RABL6: variants seen among roughly 807,000 people sequenced by gnomAD.
RABL6 encodes RAB, member RAS oncogene family like 6.
RABL6 carries 28 observed loss-of-function variants against 72.9 expected under a neutral mutation model. The observed-to-expected ratio is 0.38, with a 90% CI of 0.28 to 0.53. The LOEUF (loss-of-function observed/expected upper bound fraction) is 0.53, where lower values mean the gene tolerates loss of function less well. RABL6 is among the 20% of genes least tolerant of loss of function. RABL6 has a pLI of 0.80. For synonymous variants in RABL6, 477 were observed against 421.2 expected, an observed-to-expected ratio of 1.13 and a Z score of -1.62; for missense variants, 1,029 against 1,008.4, an observed-to-expected ratio of 1.02 and a Z score of -0.28.
Position 136,825,808 on chromosome 9 carries a change from TG to T in RABL6, c.298del (p.Asp100MetfsTer2). 1 of 1,613,438 alleles carries T rather than the reference TG, an allele frequency of 6.2e-7. No homozygotes were observed. The highest frequency in any genetic ancestry group is 2.2e-5 in the East Asian group (1 of 44,876). ...GGATGACATCGTGAAGGTTGAAGTC[TG>T]GGATGTAGTAGACAAAGGTGAGGCG... The part of the protein sequence containing the change: ...TTDDIVKVEV[W>X]DVVDKGKCKK... On this transcript the variant is annotated frameshift_variant, in exon 3 of 15. Transcript: ENST00000311502. LOFTEE classifies it high-confidence loss of function.
At chr9:136,838,116 C>G in intron 10 of RABL6, 101 bp downstream of exon 10, 1 of 1,393,568 alleles carries the variant, frequency 7.2e-7, no homozygotes, top group East Asian at 2.5e-5. Context: ...AAGGGGCCCC[C>G]CGCCGGCTGG....
intron 10 of RABL6, among the ~76,000 whole-genome samples, chr9:136,838,550 A>G (rs1382862615): frequency 6.6e-6 from 1 of 152,188 alleles, no homozygotes; most frequent in Non-Finnish European, 1.5e-5. Context: ...TGGCCTCAGC[A>G]CCTCAGCCTC....
Position 136,839,826 on chromosome 9 carries a change from GGGC to G in RABL6, c.1892_1894del (p.Gly631_Leu632delinsVal). 6.2e-7 allele frequency: 1 copy of G among 1,612,738 alleles called. No individual in the cohort carries two copies. On this transcript the variant is annotated inframe_deletion, in exon 13 of 15. Coordinates refer to ENST00000311502, the MANE Select transcript of RABL6 (RefSeq NM_024718.5). ...GAATGACTCGGACCTCTTCGGGCTG[GGGC>G]TGGAGGAGGCCGGACCCAAGGAGAG...
intron 1 of RABL6, chr9:136,821,255 C>T: frequency 1.1e-6 from 1 of 900,902 alleles, no homozygotes; most frequent in Non-Finnish European, 1.3e-6. Flanking sequence ...GGGACGTCAG[C>T]GCGTTGGTTC....
intron 1 of RABL6, chr9:136,813,676 C>T (rs527559480): frequency 3.5e-4 from 74 of 208,522 alleles, no homozygotes; most frequent in African/African-American, 1.6e-3. Flanking sequence ...GTGCAGTGGC[C>T]GTGATCTCAG....
chr9:136,835,694 C>CG, intron 7 of RABL6, 48 bp from the exon 8 acceptor site: 1 of 1,499,138 alleles, frequency 6.7e-7, no homozygotes, highest in Non-Finnish European at 9.0e-7. Flanking sequence ...CTGGGGCACT[C>CG]GCAGCAGGAA....
intron 8 of RABL6, chr9:136,836,057 G>C: frequency 1.9e-6 from 1 of 524,720 alleles, no homozygotes; most frequent in Middle Eastern, 5.0e-4. Flanking sequence ...TCCTCATACA[G>C]GTCATGCTGT....
chr9:136,826,633 C>T lies in RABL6; in HGVS notation c.313+807C>T, dbSNP rs1848364901. 1 of 152,292 alleles carries T rather than the reference C, an allele frequency of 6.6e-6. No homozygotes were observed. The highest frequency in any genetic ancestry group is 1.5e-5 in the Non-Finnish European group (1 of 68,148). 9.4% of individuals were successfully genotyped at this position (152,292 alleles called of 1,614,324 possible). ...GGTGCTGGGCCCCTGCGGCTCCCAC[C>T]ACATTGCGCTGGACTCTTGTGGCCC... On this transcript the variant is annotated intron_variant, in intron 3 of 14. Transcript: ENST00000311502. The surrounding 1 kb of genome is among the most constrained non-coding windows in gnomAD (Gnocchi z 4.9).
intron 1 of RABL6, 42 bp from the exon 2 acceptor site, chr9:136,823,483 G>A: frequency 6.2e-7 from 1 of 1,610,132 alleles, no homozygotes; most frequent in Non-Finnish European, 8.5e-7. Flanking sequence ...CTTGGGTTCG[G>A]TTCGTTTAAT....
intron 1 of RABL6, chr9:136,809,885 G>C (rs2131150858): frequency 6.3e-6 from 1 of 157,502 alleles, no homozygotes; most frequent in African/African-American, 2.4e-5. Flanking sequence ...TGAAATCTCA[G>C]GACTCCTCTG....
intron 2 of RABL6, among the ~76,000 whole-genome samples, chr9:136,825,198 G>A (rs1011112927): frequency 1.3e-4 from 20 of 152,240 alleles, no homozygotes; most frequent in African/African-American, 4.3e-4. Flanking sequence ...TCCGGCCTCC[G>A]CCCTCAGTGA....
intron 1 of RABL6, among the ~76,000 whole-genome samples, chr9:136,816,331 C>T (rs1290561732): frequency 6.6e-6 from 1 of 152,004 alleles, no homozygotes; most frequent in Non-Finnish European, 1.5e-5. Flanking sequence ...TCTCAAACTC[C>T]TGGGCCCAAG....
At chr9:136,816,139 C>G (rs1848114325) in intron 1 of RABL6, among the ~76,000 whole-genome samples, 1 of 152,186 alleles carries the variant, frequency 6.6e-6, no homozygotes, top group African/African-American at 2.4e-5. Flanking sequence ...GGGTCTTGCT[C>G]TTTCGCCTGA....
intron 7 of RABL6, chr9:136,832,805 C>T (rs1564369388): frequency 2.5e-5 from 8 of 322,424 alleles, no homozygotes; most frequent in Admixed American, 4.5e-5. Context: ...CTGTTCACAT[C>T]TCACATTTCC....
chr9:136,818,384 A>AAC (rs1848166784), intron 1 of RABL6, among the ~76,000 whole-genome samples: 1 of 123,750 alleles, frequency 8.1e-6, no homozygotes, highest in African/African-American at 3.6e-5. Flanking sequence ...AAAAAAAAAA[A>AAC]AAAAAAAAAA....
chr9:136,813,257 T>A, intron 1 of RABL6: 1 of 557,934 alleles, frequency 1.8e-6, no homozygotes, highest in Non-Finnish European at 3.4e-6. Flanking sequence ...TGCTTTATCA[T>A]CTTCAAATGA....
chr9:136,812,872 G>A (rs1848042313), intron 1 of RABL6: 2 of 321,018 alleles, frequency 6.2e-6, no homozygotes, highest in African/African-American at 2.2e-5. Context: ...CCTGGCTTCT[G>A]CCACCACCTC....
At chr9:136,824,761 G>T (rs1439370186) in intron 2 of RABL6, among the ~76,000 whole-genome samples, 1 of 152,194 alleles carries the variant, frequency 6.6e-6, no homozygotes, top group African/African-American at 2.4e-5. Context: ...AGGAACAGCC[G>T]TGGAGTTGCT....
At chr9:136,818,618 A>G (rs1848175957) in intron 1 of RABL6, among the ~76,000 whole-genome samples, 1 of 151,634 alleles carries the variant, frequency 6.6e-6, no homozygotes, top group African/African-American at 2.4e-5. Context: ...GGTGGTGCGT[A>G]CCTGTAGTCT....
Sources: gnomAD v4.1 joint callset for allele counts (sites outside exome capture counted in the v4.1 genomes callset) on GRCh38, gnomAD v4.1.1 for gene constraint, Gnocchi (gnomAD v3.1) non-coding constraint, MANE v1.5 for transcripts, NCBI Gene and HGNC (gene_info 2026-07-23, HGNC 2026-07-21) for gene names.